THSD4: variants seen among roughly 807,000 people sequenced by gnomAD.
THSD4 encodes thrombospondin type 1 domain containing 4.
In THSD4, 69 loss-of-function variants were observed where a neutral mutation model predicts 119.0. The ratio of observed to expected loss-of-function variants is 0.58; its 90% CI spans 0.48 to 0.71. The LOEUF is 0.71. THSD4 is among the 30% of genes least tolerant of loss of function. THSD4 has a pLI of 0.00. For synonymous variants in THSD4, 524 were observed against 540.4 expected, an observed-to-expected ratio of 0.97 and a Z score of 0.42; for missense variants, 1,393 against 1,391.1, an observed-to-expected ratio of 1.00 and a Z score of -0.02.
intron 7 of THSD4, among the ~76,000 whole-genome samples, chr15:71,521,441 C>T (rs2048439561): frequency 6.6e-6 from 1 of 152,164 alleles, no homozygotes; most frequent in African/African-American, 2.4e-5. Flanking sequence ...TTTTCTTTGA[C>T]ATTCATCTAT....
intron 7 of THSD4, among the ~76,000 whole-genome samples, chr15:71,601,956 C>A (rs545365590): frequency 6.6e-6 from 1 of 152,152 alleles, no homozygotes; most frequent in Non-Finnish European, 1.5e-5. Flanking sequence ...TTTTTCTCTT[C>A]AGGGTAGCTT....
chr15:71,696,216 C>A (rs2052162311), intron 8 of THSD4, among the ~76,000 whole-genome samples: 1 of 152,182 alleles, frequency 6.6e-6, no homozygotes, highest in African/African-American at 2.4e-5. Context: ...AGTTCAAGAG[C>A]ATGGCCGTGG....
chr15:71,140,630 A>G (rs2040593679), intron 1 of THSD4, among the ~76,000 whole-genome samples: 1 of 152,240 alleles, frequency 6.6e-6, no homozygotes. Context: ...TAAGCATGTC[A>G]CATGCGTTCC....
At chr15:71,154,447 C>T (rs2040756295) in intron 2 of THSD4, among the ~76,000 whole-genome samples, 1 of 152,204 alleles carries the variant, frequency 6.6e-6, no homozygotes, top group South Asian at 2.1e-4. Flanking sequence ...TTTTCCCTGA[C>T]CTTACCACCC....
intron 7 of THSD4, among the ~76,000 whole-genome samples, chr15:71,568,580 T>C (rs2049287223): frequency 9.4e-6 from 1 of 106,284 alleles, no homozygotes; most frequent in African/African-American, 3.6e-5. Context: ...TTTTTTTTTT[T>C]TGTTTTTTGT....
intron 1 of THSD4, among the ~76,000 whole-genome samples, chr15:71,134,273 C>G (rs1003581268): frequency 6.6e-6 from 1 of 152,214 alleles, no homozygotes; most frequent in African/African-American, 2.4e-5. Flanking sequence ...GCCTGGGGCT[C>G]CAAGGTCAGC....
At chr15:71,100,402 A>G (rs2040249193) in intron 1 of THSD4, among the ~76,000 whole-genome samples, 1 of 152,212 alleles carries the variant, frequency 6.6e-6, no homozygotes, top group Non-Finnish European at 1.5e-5. Flanking sequence ...CCAACAGCCC[A>G]AAAGAAATGA....
chr15:71,293,829 T>C (rs1027767859), intron 6 of THSD4, among the ~76,000 whole-genome samples: 4 of 152,138 alleles, frequency 2.6e-5, no homozygotes, highest in Non-Finnish European at 5.9e-5. Context: ...AGATGGTCAC[T>C]CTTCCATGTT....
chr15:71,773,571 G>C (rs558765407), intron 17 of THSD4, among the ~76,000 whole-genome samples: 7 of 152,318 alleles, frequency 4.6e-5, no homozygotes, highest in South Asian at 2.1e-4. Flanking sequence ...TAACAAAACA[G>C]AATATGTAGA....
intron 6 of THSD4, among the ~76,000 whole-genome samples, chr15:71,306,166 C>T (rs1400967192): frequency 2.0e-5 from 3 of 151,752 alleles, no homozygotes; most frequent in African/African-American, 4.8e-5. Flanking sequence ...ATCAGCCGGG[C>T]GTGGTGGTGG....
At chr15:71,459,801 C>T (rs1056299755) in intron 7 of THSD4, among the ~76,000 whole-genome samples, 2 of 152,138 alleles carry the variant, frequency 1.3e-5, no homozygotes, top group African/African-American at 4.8e-5. Context: ...CTGCTTTGAA[C>T]TAGAGAGTAG....
chr15:71,610,554 C>T (rs866897061), intron 7 of THSD4, among the ~76,000 whole-genome samples: 3 of 152,296 alleles, frequency 2.0e-5, no homozygotes, highest in South Asian at 2.1e-4. Flanking sequence ...GAGATGACAA[C>T]AGGGACAGGT....
chr15:71,396,002 C>A (rs909972701), intron 6 of THSD4, among the ~76,000 whole-genome samples: 2 of 150,374 alleles, frequency 1.3e-5, no homozygotes, highest in Non-Finnish European at 3.0e-5. Flanking sequence ...CGTCGGGATT[C>A]GCTGAGTGGA....
chr15:71,604,943 A>T (rs72740639), intron 7 of THSD4, among the ~76,000 whole-genome samples: 11,886 of 152,184 alleles, frequency 0.078, 513 homozygotes, highest in Admixed American at 0.12. Flanking sequence ...TAGGAAATGA[A>T]TGGGGAGTGG....
intron 7 of THSD4, among the ~76,000 whole-genome samples, chr15:71,566,066 G>A (rs1034240198): frequency 6.6e-6 from 1 of 152,136 alleles, no homozygotes; most frequent in Admixed American, 6.5e-5. Context: ...GAGGCCCAAG[G>A]AGGGGAAAAA....
At chr15:71,390,922 C>T (rs1035185161) in intron 6 of THSD4, among the ~76,000 whole-genome samples, 8 of 136,416 alleles carry the variant, frequency 5.9e-5, no homozygotes, top group East Asian at 2.2e-4. Context: ...TGCAGTGACA[C>T]GATCATAGCT....
At chr15:71,754,470 C>T (rs1178476789) in intron 14 of THSD4, among the ~76,000 whole-genome samples, 4 of 54 alleles carry the variant, frequency 0.074, no homozygotes, top group Non-Finnish European at 0.12. Context: ...ATGGCTGAAA[C>T]AAACAAACAA....
At chr15:71,647,679 T>G (rs558738880) in intron 7 of THSD4, among the ~76,000 whole-genome samples, 14 of 152,336 alleles carry the variant, frequency 9.2e-5, no homozygotes, top group Admixed American at 4.6e-4. Context: ...ATAGTTCCCA[T>G]TCCCAGGATG....
rs1299925377 is a variant in THSD4, at chr15:71,757,896, TCA to T, written c.2416-3_2416-2del. 2 of 1,613,022 alleles carry T rather than the reference TCA, an allele frequency of 1.2e-6. No homozygotes were observed. Among genetic ancestry groups the T allele is most frequent in the Non-Finnish European group, 1.7e-6 (2 of 1,179,962 alleles). On this transcript the variant is annotated splice_polypyrimidine_tract_variant and splice_region_variant and intron_variant, in intron 14 of 17. Transcript: ENST00000261862. ...CTGACTAATGTGCCCTTCCCCTGTC[TCA>T]CAGTGCTCAGCGGAGTGTGGGGCCG...
Sources: gnomAD v4.1 joint callset for allele counts (sites outside exome capture counted in the v4.1 genomes callset) on GRCh38, gnomAD v4.1.1 for gene constraint, MANE v1.5 for transcripts, NCBI Gene and HGNC (gene_info 2026-07-23, HGNC 2026-07-21) for gene names.